The following GTF2F2 variants were observed in gnomAD, a reference collection of about 807,000 sequenced individuals.
GTF2F2 encodes the protein ATP-dependent helicase GTF2F2.
GTF2F2 carries 23 observed loss-of-function variants against 42.2 expected under a neutral mutation model. The ratio of observed to expected loss-of-function variants is 0.55; its 90% CI spans 0.39 to 0.77. GTF2F2 has a LOEUF of 0.77. Ranked by LOEUF, GTF2F2 falls within the 30% of genes least tolerant of loss-of-function variation. GTF2F2 has a pLI of 0.00. For missense variants in GTF2F2, 261 were observed against 287.2 expected (o/e 0.91, Z 0.66); for synonymous variants, 105 against 100.8 (o/e 1.04, Z -0.25).
intron 6 of GTF2F2, among the ~76,000 whole-genome samples, chr13:45,258,132 C>G (rs1294953283): frequency 6.6e-6 from 1 of 151,354 alleles, no homozygotes; most frequent in Admixed American, 6.6e-5. Context: ...TTGGCCCTTC[C>G]AAAAAGGAAA....
intron 4 of GTF2F2, among the ~76,000 whole-genome samples, chr13:45,155,252 T>G (rs1870697295): frequency 1.3e-5 from 2 of 152,122 alleles, no homozygotes. Flanking sequence ...TTACAGGGAG[T>G]AAGCTGTTGA....
chr13:45,249,937 A>G (rs1875806381), intron 5 of GTF2F2, among the ~76,000 whole-genome samples: 1 of 152,054 alleles, frequency 6.6e-6, no homozygotes, highest in Non-Finnish European at 1.5e-5. Context: ...CACTTTGTAA[A>G]CATTCCTATA....
intron 6 of GTF2F2, among the ~76,000 whole-genome samples, chr13:45,264,602 G>A (rs1020340155): frequency 6.6e-6 from 1 of 151,964 alleles, no homozygotes; most frequent in African/African-American, 2.4e-5. Context: ...GGTAGAATTC[G>A]GTAATTTTCT....
In GTF2F2 at chr13:45,158,943, A is replaced by G. The variant is rs1161344393; in HGVS notation, c.304+7112A>G. ...CTCACGGGATGGCTAGTCTCCCTTC[A>G]GATATTCTTGATTCAAAGTGGTTTT... On this transcript the variant is annotated intron_variant, in intron 4 of 7. Transcript: ENST00000340473. Among the ~76,000 whole-genome samples the G allele has an allele frequency of 3.9e-5, 6 of 152,250 alleles. 1 individual carries two copies.
chr13:45,239,187 G>A (rs557477685), intron 5 of GTF2F2, among the ~76,000 whole-genome samples: 29 of 152,214 alleles, frequency 1.9e-4, no homozygotes, highest in Non-Finnish European at 3.1e-4. Flanking sequence ...TAGAAGTAAC[G>A]CCACTGCTTA....
At chr13:45,191,368 CCTTT>C (rs1872649767) in intron 4 of GTF2F2, among the ~76,000 whole-genome samples, 1 of 149,928 alleles carries the variant, frequency 6.7e-6, no homozygotes, top group Non-Finnish European at 1.5e-5. Context: ...TTTTTTATTA[CCTTT>C]CTTTTGAGAA....
intron 2 of GTF2F2, among the ~76,000 whole-genome samples, chr13:45,137,173 A>G (rs1301487051): frequency 1.3e-5 from 2 of 152,218 alleles, no homozygotes; most frequent in African/African-American, 4.8e-5. Context: ...TACTTGCAGC[A>G]GGACTTTGCC....
chr13:45,202,108 C>G (rs1285514579), intron 4 of GTF2F2, among the ~76,000 whole-genome samples: 1 of 152,192 alleles, frequency 6.6e-6, no homozygotes, highest in Non-Finnish European at 1.5e-5. Context: ...TCTTCTTGGC[C>G]TGGCGTGGTG....
At chr13:45,169,830 T>C (rs1223711309) in intron 4 of GTF2F2, among the ~76,000 whole-genome samples, 1 of 152,178 alleles carries the variant, frequency 6.6e-6, no homozygotes, top group Non-Finnish European at 1.5e-5. Context: ...CTTCAGTAAC[T>C]TATTCCCTTT....
At chr13:45,236,490 T>TACACACACACACACAC (rs3047056) in intron 5 of GTF2F2, among the ~76,000 whole-genome samples, 89 of 142,030 alleles carry the variant, frequency 6.3e-4, no homozygotes, top group African/African-American at 2.2e-3. Flanking sequence ...CCGCCACACA[T>TACACACACACACACAC]ACACACACAC....
chr13:45,246,243 C>T (rs779164580), intron 5 of GTF2F2, among the ~76,000 whole-genome samples: 75 of 151,956 alleles, frequency 4.9e-4, no homozygotes, highest in Non-Finnish European at 8.7e-4. Flanking sequence ...GATCTCCTGA[C>T]CTCGTGATCC....
At chr13:45,151,632 A>G in intron 3 of GTF2F2, 55 bp from the exon 4 acceptor site, 6 of 1,112,494 alleles carry the variant, frequency 5.4e-6, no homozygotes, top group Non-Finnish European at 7.8e-6. Context: ...AAATTTATAT[A>G]TATATAGTTT....
chr13:45,237,594 A>G (rs938291459), intron 5 of GTF2F2, among the ~76,000 whole-genome samples: 3 of 152,216 alleles, frequency 2.0e-5, no homozygotes, highest in African/African-American at 7.2e-5. Flanking sequence ...ATTGTTTTCC[A>G]TGAGAGCACC....
intron 4 of GTF2F2, among the ~76,000 whole-genome samples, chr13:45,198,461 A>G (rs1219251115): frequency 6.6e-6 from 1 of 152,210 alleles, no homozygotes; most frequent in Non-Finnish European, 1.5e-5. Context: ...TAAAATTCAG[A>G]CACTCTTCAA....
chr13:45,175,483 T>G (rs1195832242), intron 4 of GTF2F2, among the ~76,000 whole-genome samples: 2 of 152,110 alleles, frequency 1.3e-5, no homozygotes, highest in Non-Finnish European at 2.9e-5. Context: ...ATCATATGGT[T>G]GTTCTGTTTT....
chr13:45,171,069 CTTTTTTTTTTTTT>C (rs908914894), intron 4 of GTF2F2, among the ~76,000 whole-genome samples: 3 of 94,244 alleles, frequency 3.2e-5, no homozygotes, highest in African/African-American at 1.2e-4. Context: ...AAAACCCTAT[CTTTTTTTTTTTTT>C]TTTTTTTTTT....
chr13:45,168,449 C>G (rs1871409200), intron 4 of GTF2F2, among the ~76,000 whole-genome samples: 1 of 152,214 alleles, frequency 6.6e-6, no homozygotes, highest in South Asian at 2.1e-4. Flanking sequence ...ACACCCAGCT[C>G]CTTTAATCCT....
At chr13:45,126,594 G>A (rs971823095) in intron 1 of GTF2F2, among the ~76,000 whole-genome samples, 5 of 152,130 alleles carry the variant, frequency 3.3e-5, no homozygotes. Context: ...TGAATGGGTG[G>A]GCAGATTGAT....
At position 45,186,101 on chromosome 13, in the gene GTF2F2, A is replaced by C. The variant is rs1451321526; in HGVS notation, c.305-21323A>C. 2.0e-5 allele frequency among the ~76,000 whole-genome samples: 3 copies of C among 151,702 alleles called. 1 individual carries two copies. The highest frequency in any genetic ancestry group is 1.3e-4 in the Admixed American group (2 of 15,238). On this transcript the variant is annotated intron_variant, in intron 4 of 7. Transcript: ENST00000340473. ...ACGATTCTTGTGCCTCAGCCTCCCG[A>C]GTAGCTGGGATTACAGGCATGCGCC...
Sources: gnomAD v4.1 joint callset for allele counts (sites outside exome capture counted in the v4.1 genomes callset) on GRCh38, gnomAD v4.1.1 for gene constraint, MANE v1.5 for transcripts, NCBI Gene and HGNC (gene_info 2026-07-23, HGNC 2026-07-21) for gene names.